Variants in GNG7 observed in about 807,000 individuals in gnomAD.
GNG7 encodes the protein G protein subunit gamma 7.
Under a neutral mutation model 4.0 loss-of-function variants are expected in GNG7, and 1 was observed. The ratio of observed to expected loss-of-function variants is 0.25; its 90% CI spans 0.09 to 1.18. The LOEUF (loss-of-function observed/expected upper bound fraction) is 1.18. GNG7 is among the 50% of genes most tolerant of loss of function. The pLI, the probability that GNG7 is intolerant of heterozygous loss-of-function variation, is 0.50. For synonymous variants in GNG7, 34 were observed against 36.9 expected, an observed-to-expected ratio of 0.92 and a Z score of 0.29; for missense variants, 86 against 91.9, an observed-to-expected ratio of 0.94 and a Z score of 0.26.
intron 2 of GNG7, among the ~76,000 whole-genome samples, chr19:2,645,561 A>AT (rs1467950710): frequency 4.1e-5 from 6 of 145,894 alleles, no homozygotes; most frequent in African/African-American, 1.3e-4. Flanking sequence ...CTTAAAAAAA[A>AT]ATTTTGTTTT....
At chr19:2,538,654 T>G (rs978689092) in intron 3 of GNG7, 2 of 449,894 alleles carry the variant, frequency 4.4e-6, no homozygotes, top group African/African-American at 2.0e-5. Context: ...TAGAAAGGCA[T>G]GCATATATTT....
chr19:2,602,968 TTC>T (rs1302100544), intron 2 of GNG7, among the ~76,000 whole-genome samples: 1 of 151,602 alleles, frequency 6.6e-6, no homozygotes, highest in African/African-American at 2.4e-5. Context: ...TTCTCTTTCT[TTC>T]TTTCTCTCTC....
intron 3 of GNG7, among the ~76,000 whole-genome samples, chr19:2,532,233 C>A (rs2144738752): frequency 6.6e-6 from 1 of 151,160 alleles, no homozygotes; most frequent in South Asian, 2.1e-4. Flanking sequence ...TTGACAGAGA[C>A]TTTAAATTAA....
intron 1 of GNG7, among the ~76,000 whole-genome samples, chr19:2,665,638 C>T (rs1475993123): frequency 1.3e-5 from 2 of 152,206 alleles, no homozygotes; most frequent in African/African-American, 4.8e-5. Flanking sequence ...GACTTCACGA[C>T]TCGCTGTCTG....
In GNG7 at chr19:2,574,674, G is replaced by A. The variant is rs115253919; in HGVS notation, c.-77-19486C>T. Among the ~76,000 whole-genome samples the A allele has an allele frequency of 3.1e-3, 466 of 152,282 alleles. 2 individuals carry two copies. Among genetic ancestry groups the A allele is most frequent in the African/African-American group, 0.01 (435 of 41,538 alleles). ...CCCTGGGGCTGTTGGGAATCATGCC[G>A]CTGTGCACTTGTGTGTGCAAACACC... On this transcript the variant is annotated intron_variant, in intron 2 of 4. Transcript: ENST00000382159.
At chr19:2,550,774 A>G (rs1245371743) in intron 3 of GNG7, among the ~76,000 whole-genome samples, 6 of 152,182 alleles carry the variant, frequency 3.9e-5, no homozygotes, top group African/African-American at 1.4e-4. Context: ...AATGGGGACA[A>G]TGAGCCCTGC....
chr19:2,668,660 G>C (rs994852742), intron 1 of GNG7, among the ~76,000 whole-genome samples: 4 of 152,172 alleles, frequency 2.6e-5, no homozygotes, highest in African/African-American at 9.7e-5. Context: ...GGCTGGAGGA[G>C]GGCTGCAGTT....
intron 3 of GNG7, among the ~76,000 whole-genome samples, chr19:2,548,915 G>C (rs1180206817): frequency 6.6e-6 from 1 of 152,220 alleles, no homozygotes; most frequent in African/African-American, 2.4e-5. Flanking sequence ...GCCAGGAGCG[G>C]CTTTCTCGTG....
intron 1 of GNG7, among the ~76,000 whole-genome samples, chr19:2,693,480 A>G (rs1913179902): frequency 6.6e-6 from 1 of 152,056 alleles, no homozygotes; most frequent in Non-Finnish European, 1.5e-5. Flanking sequence ...CAACTAATTA[A>G]CATACATCAA....
intron 2 of GNG7, among the ~76,000 whole-genome samples, chr19:2,637,008 A>G (rs1471202966): frequency 1.3e-5 from 2 of 149,344 alleles, no homozygotes; most frequent in African/African-American, 5.0e-5. Context: ...CCCCACCTGC[A>G]CCTCCAACTC....
chr19:2,636,585 C>T (rs1389810916), intron 2 of GNG7, among the ~76,000 whole-genome samples: 4 of 152,136 alleles, frequency 2.6e-5, no homozygotes, highest in African/African-American at 9.7e-5. Flanking sequence ...GTGTGAGGTG[C>T]ATTCCCTGAC....
rs1201311468 is a variant in GNG7 at position 2,661,298 on chromosome 19, G to GAA, written c.-134-15020_-134-15019dup. On this transcript the variant is annotated intron_variant, in intron 1 of 4. Transcript: ENST00000382159. ...AGAAAGAAAGAAAGAAAGAAAGAAA[G>GAA]AAAGAGAAAGAAAGAAAGAAAGAAA... is the stretch of plus-strand genomic sequence containing the variant. Among the ~76,000 whole-genome samples, 81 of 35,986 alleles carry GAA rather than the reference G, an allele frequency of 2.3e-3. 9 individuals carry two copies. Among genetic ancestry groups the GAA allele is most frequent in the African/African-American group, 9.0e-3 (67 of 7,416 alleles). The allele number at this position is 35,986 out of a possible 152,430, so 23.6% of individuals were successfully genotyped here. A position where few individuals can be genotyped will look rare whatever the true frequency, so the allele number is the denominator to read the frequency against.
At chr19:2,544,014 G>T (rs969060824) in intron 3 of GNG7, among the ~76,000 whole-genome samples, 3 of 152,072 alleles carry the variant, frequency 2.0e-5, no homozygotes, top group African/African-American at 4.8e-5. Flanking sequence ...ACCTCTGCCT[G>T]CCTCGAAAAA....
chr19:2,689,310 G>A (rs1421189177), intron 1 of GNG7, among the ~76,000 whole-genome samples: 1 of 151,750 alleles, frequency 6.6e-6, no homozygotes, highest in Non-Finnish European at 1.5e-5. Flanking sequence ...TTCTCATTAT[G>A]GAGGCTACAG....
At chr19:2,525,971 A>ATTTTTTTTTTTTTTTTTT (rs35639922) in intron 3 of GNG7, among the ~76,000 whole-genome samples, 6,256 of 75,212 alleles carry the variant, frequency 0.083, 1,288 homozygotes, top group South Asian at 0.11. Flanking sequence ...CTCCACGCCA[A>ATTTTTTTTTTTTTTTTTT]TTTTTTTTTT....
intron 3 of GNG7, chr19:2,538,181 T>C (rs1313945560): frequency 4.4e-6 from 2 of 456,726 alleles, no homozygotes; most frequent in Non-Finnish European, 8.8e-6. Flanking sequence ...TGGTATCTTC[T>C]GACGATGATG....
intron 1 of GNG7, among the ~76,000 whole-genome samples, chr19:2,688,603 G>A (rs1034411432): frequency 1.3e-5 from 2 of 152,248 alleles, no homozygotes; most frequent in Admixed American, 6.5e-5. Context: ...CCCTAAGACC[G>A]TCCAGGTCAC....
intron 3 of GNG7, among the ~76,000 whole-genome samples, chr19:2,530,703 G>C (rs773065776): frequency 2.0e-5 from 3 of 152,184 alleles, no homozygotes; most frequent in African/African-American, 7.2e-5. Flanking sequence ...CTGGGTGACA[G>C]AGTGAGACCC....
chr19:2,581,331 G>T (rs1168095539), intron 2 of GNG7, among the ~76,000 whole-genome samples: 3 of 140,544 alleles, frequency 2.1e-5, no homozygotes, highest in Admixed American at 7.0e-5. Flanking sequence ...TGATGGGGGT[G>T]GGGGGGTGGG....
Sources: allele counts gnomAD v4.1 joint callset (sites outside exome capture counted in the v4.1 genomes callset), GRCh38; gene constraint gnomAD v4.1.1; transcripts MANE v1.5; gene names NCBI Gene and HGNC (gene_info 2026-07-23, HGNC 2026-07-21).